RELN: variants seen among roughly 807,000 people sequenced by gnomAD.
RELN encodes reelin.
RELN carries 108 observed loss-of-function variants against 427.6 expected under a neutral mutation model. The ratio of observed to expected loss-of-function variants is 0.25; its 90% CI spans 0.22 to 0.30. RELN has a LOEUF of 0.30. Among genes scored for constraint, RELN ranks in the 10% least tolerant of loss-of-function variants. The pLI, the probability that RELN is intolerant of heterozygous loss-of-function variation, is 1.00. For synonymous variants in RELN, 1,524 were observed against 1,513.4 expected, an observed-to-expected ratio of 1.01 and a Z score of -0.16; for missense variants, 3,715 against 4,302.8, an observed-to-expected ratio of 0.86 and a Z score of 3.82.
chr7:103,566,544 G>T, intron 32 of RELN, 57 bp downstream of exon 32: 2 of 1,602,508 alleles, frequency 1.2e-6, no homozygotes, highest in Non-Finnish European at 1.7e-6. Context: ...TGCAAGGTGG[G>T]TATGGATACT....
chr7:103,909,837 A>AATAT (rs3073416), intron 2 of RELN, among the ~76,000 whole-genome samples: 5 of 95,542 alleles, frequency 5.2e-5, no homozygotes, highest in East Asian at 2.5e-4. Context: ...ATATATATTT[A>AATAT]ATATATATAT....
At chr7:103,791,936 C>T (rs1792172110) in intron 3 of RELN, among the ~76,000 whole-genome samples, 1 of 151,872 alleles carries the variant, frequency 6.6e-6, no homozygotes, top group Admixed American at 6.6e-5. Flanking sequence ...AGACATTTAT[C>T]CAAAGAAAAA....
chr7:103,902,449 T>C (rs1343734059), intron 2 of RELN, among the ~76,000 whole-genome samples: 3 of 152,066 alleles, frequency 2.0e-5, no homozygotes, highest in African/African-American at 7.2e-5. Flanking sequence ...GGAGAGGAAC[T>C]TTTCTGAAAG....
intron 20 of RELN, among the ~76,000 whole-genome samples, chr7:103,621,253 A>G (rs987910762): frequency 5.3e-5 from 8 of 152,182 alleles, no homozygotes; most frequent in African/African-American, 1.9e-4. Context: ...TTTGGCTGTG[A>G]TTTCTCAGCA....
intron 16 of RELN, among the ~76,000 whole-genome samples, chr7:103,643,307 C>T (rs2117368958): frequency 6.6e-6 from 1 of 152,098 alleles, no homozygotes; most frequent in South Asian, 2.1e-4. Context: ...TAGTATAAGC[C>T]TTCAGCCAAC....
chr7:103,650,478 TGGAA>T, intron 15 of RELN, 95 bp from the exon 16 acceptor site: 2 of 825,892 alleles, frequency 2.4e-6, no homozygotes, highest in Non-Finnish European at 4.2e-6. Context: ...TCTGTGTGCT[TGGAA>T]AAGCACTAAA....
chr7:103,771,392 C>T (rs1445634077), intron 4 of RELN, among the ~76,000 whole-genome samples: 1 of 152,092 alleles, frequency 6.6e-6, no homozygotes, highest in Non-Finnish European at 1.5e-5. Flanking sequence ...CCTGCCCAGT[C>T]ACTGGTCTTT....
chr7:103,569,964 A>C lies in RELN; in HGVS notation c.4588+2220T>G, dbSNP rs780295308. On this transcript the variant is annotated intron_variant, in intron 31 of 64. Coordinates refer to ENST00000428762, the MANE Select transcript of RELN (RefSeq NM_005045.4). The surrounding 1 kb of genome is among the most constrained non-coding windows in gnomAD (Gnocchi z 4.0). ...TTTGATTTTAATTCCAAATATGTAA[A>C]TTGATGCTTCAGCTTGAGTAAGTAA... 1.3e-5 allele frequency among the ~76,000 whole-genome samples: 2 copies of C among 152,236 alleles called. No individual in the cohort carries two copies. The highest frequency in any genetic ancestry group is 2.9e-5 in the Non-Finnish European group (2 of 68,050).
intron 47 of RELN, among the ~76,000 whole-genome samples, chr7:103,522,400 T>A (rs2075040): frequency 6.6e-6 from 1 of 151,982 alleles, no homozygotes; most frequent in East Asian, 1.9e-4. Flanking sequence ...AACTCTAACA[T>A]TTCCTAAGGT....
At chr7:103,971,908 T>C (rs1334397996) in intron 1 of RELN, among the ~76,000 whole-genome samples, 7 of 149,856 alleles carry the variant, frequency 4.7e-5, no homozygotes, top group South Asian at 2.1e-4. Context: ...CCCCCGTCTC[T>C]AGTAAAATAC....
chr7:103,492,214 A>T (rs1828697147), intron 57 of RELN, among the ~76,000 whole-genome samples, 188 bp from the exon 58 acceptor site: 1 of 152,200 alleles, frequency 6.6e-6, no homozygotes, highest in Non-Finnish European at 1.5e-5. Context: ...TTTTGCATGG[A>T]GATAAAAATA....
chr7:103,983,121 T>C (rs1351668977), intron 1 of RELN, among the ~76,000 whole-genome samples: 1 of 152,242 alleles, frequency 6.6e-6, no homozygotes, highest in Non-Finnish European at 1.5e-5. Context: ...TTATCTTAGC[T>C]TTGTTTTTTA....
At chr7:103,762,105 T>G (rs185847954) in intron 4 of RELN, among the ~76,000 whole-genome samples, 1 of 152,300 alleles carries the variant, frequency 6.6e-6, no homozygotes, top group Non-Finnish European at 1.5e-5. Context: ...GGAATTAAGT[T>G]CTGCCCATAT....
intron 11 of RELN, among the ~76,000 whole-genome samples, chr7:103,669,198 C>G (rs1292365786): frequency 6.6e-6 from 1 of 152,096 alleles, no homozygotes; most frequent in Admixed American, 6.6e-5. Context: ...GAAGTTACTT[C>G]CTTTAGAAAT....
chr7:103,864,584 A>G (rs1304906584), intron 2 of RELN, among the ~76,000 whole-genome samples: 1 of 152,160 alleles, frequency 6.6e-6, no homozygotes, highest in Non-Finnish European at 1.5e-5. Flanking sequence ...CTTTGCACGA[A>G]GTCCTCCAGG....
At chr7:103,732,701 G>C (rs1435659725) in intron 6 of RELN, among the ~76,000 whole-genome samples, 1 of 152,078 alleles carries the variant, frequency 6.6e-6, no homozygotes, top group Non-Finnish European at 1.5e-5. Flanking sequence ...CCCAGAATTT[G>C]AAACAATACT....
At chr7:103,756,949 C>A (rs913360323) in intron 4 of RELN, among the ~76,000 whole-genome samples, 1 of 152,138 alleles carries the variant, frequency 6.6e-6, no homozygotes, top group Non-Finnish European at 1.5e-5. Flanking sequence ...TTATTTTAAT[C>A]ATTTCTCGAT....
At chr7:103,773,138 TTCTTTC>T (rs1563004301) in intron 4 of RELN, among the ~76,000 whole-genome samples, 1 of 98,840 alleles carries the variant, frequency 1.0e-5, no homozygotes, top group Non-Finnish European at 2.3e-5. Context: ...CTTTCTTTCT[TTCTTTC>T]TTTCTTTCTT....
chr7:103,909,751 ATATT>A (rs1330489993), intron 2 of RELN, among the ~76,000 whole-genome samples: 1 of 68,624 alleles, frequency 1.5e-5, no homozygotes, highest in Non-Finnish European at 2.4e-5. Flanking sequence ...ATAAATATAT[ATATT>A]AAATATATAT....
Sources: gnomAD v4.1 joint callset for allele counts (sites outside exome capture counted in the v4.1 genomes callset) on GRCh38, gnomAD v4.1.1 for gene constraint, Gnocchi (gnomAD v3.1) non-coding constraint, MANE v1.5 for transcripts, NCBI Gene and HGNC (gene_info 2026-07-23, HGNC 2026-07-21) for gene names.